RUFY3: variants seen among roughly 807,000 people sequenced by gnomAD.
RUFY3 encodes protein RUFY3.
A neutral mutation model predicts 84.0 loss-of-function variants in RUFY3; 34 were observed. The ratio of observed to expected loss-of-function variants is 0.40; its 90% CI spans 0.31 to 0.54. RUFY3 has a LOEUF of 0.54. Among genes scored for constraint, RUFY3 ranks in the 20% least tolerant of loss-of-function variants. RUFY3 has a pLI of 0.39. For missense variants in RUFY3, 507 were observed against 736.8 expected, an observed-to-expected ratio of 0.69 and a Z score of 3.61; for synonymous variants, 242 against 252.9, an observed-to-expected ratio of 0.96 and a Z score of 0.41.
intron 1 of RUFY3, among the ~76,000 whole-genome samples, chr4:70,761,699 T>A (rs1306145597): frequency 6.6e-6 from 1 of 152,206 alleles, no homozygotes; most frequent in African/African-American, 2.4e-5. Flanking sequence ...CCAAATAGTT[T>A]ATCCATCTGG....
intron 9 of RUFY3, among the ~76,000 whole-genome samples, 188 bp downstream of exon 9, chr4:70,783,371 G>T (rs534602266): frequency 2.0e-5 from 3 of 152,198 alleles, no homozygotes; most frequent in African/African-American, 7.2e-5. Context: ...AAGATGCTTC[G>T]TGGCTTCACA....
rs79101000 is a variant in RUFY3 at position 70,793,118 on chromosome 4, G to A, written c.1338-667G>A. 4.9e-4 allele frequency: 478 copies of A among 985,376 alleles called. 5 individuals are homozygous for A. The East Asian group carries it at 0.016, about 33-fold the overall frequency. 61.0% of individuals were successfully genotyped at this position (985,376 alleles called of 1,614,324 possible). On this transcript the variant is annotated intron_variant, in intron 12 of 17. Transcript: ENST00000381006. ...AAAACATCCATCAGAATCTTCTGGA[G>A]AATATGGTCAGAGTCTTAAACAGGC...
At chr4:70,703,948 TA>T (rs1384393234), upstream of RUFY3, 1 of 152,206 alleles carries the variant, frequency 6.6e-6, no homozygotes, top group African/African-American at 2.4e-5. Context: ...GAATCCAGGA[TA>T]AAGAACCATG....
chr4:70,754,528 ATT>A (rs371643194), intron 1 of RUFY3, among the ~76,000 whole-genome samples: 138 of 144,254 alleles, frequency 9.6e-4, no homozygotes, highest in African/African-American at 3.2e-3. Context: ...CTCTATTATA[ATT>A]TTTTTTTTTT....
chr4:70,793,454 C>T (rs1731114636), intron 12 of RUFY3: 1 of 1,129,238 alleles, frequency 8.9e-7, no homozygotes, highest in African/African-American at 1.7e-5. Context: ...TTACTGTGTA[C>T]TTGAGGTTGG....
intron 1 of RUFY3, among the ~76,000 whole-genome samples, chr4:70,750,715 G>A (rs969507294): frequency 2.0e-5 from 3 of 151,762 alleles, no homozygotes; most frequent in Non-Finnish European, 4.4e-5. Context: ...CCTCCCAGCC[G>A]CTGGCAACCA....
chr4:70,745,805 G>A (rs897388005), intron 1 of RUFY3, among the ~76,000 whole-genome samples: 1 of 152,166 alleles, frequency 6.6e-6, no homozygotes, highest in Non-Finnish European at 1.5e-5. Flanking sequence ...TGTTATAATG[G>A]CTTAGAGTGG....
intron 1 of RUFY3, among the ~76,000 whole-genome samples, chr4:70,740,170 A>G (rs917457838): frequency 9.9e-5 from 15 of 152,140 alleles, no homozygotes; most frequent in African/African-American, 3.4e-4. Flanking sequence ...ATGGCATGTT[A>G]CCTATTGTAG....
intron 2 of RUFY3, among the ~76,000 whole-genome samples, chr4:70,763,212 A>G (rs997422236): frequency 2.0e-5 from 3 of 151,820 alleles, no homozygotes; most frequent in Admixed American, 1.3e-4. Flanking sequence ...CAACTTCCCA[A>G]TATTCCATAG....
At chr4:70,749,657 CTTTTT>C (rs537416557) in intron 1 of RUFY3, among the ~76,000 whole-genome samples, 1 of 132,166 alleles carries the variant, frequency 7.6e-6, no homozygotes. Flanking sequence ...CTTGTCTTGT[CTTTTT>C]TTTTTTTTTT....
chr4:70,784,690 T>C, intron 9 of RUFY3, 106 bp from the exon 10 acceptor site: 2 of 609,340 alleles, frequency 3.3e-6, no homozygotes, highest in East Asian at 6.5e-5. Flanking sequence ...TTCATTATTA[T>C]ACCTGCTTCA....
chr4:70,774,584 C>T (rs1229992493), intron 6 of RUFY3, among the ~76,000 whole-genome samples: 2 of 125,582 alleles, frequency 1.6e-5, no homozygotes, highest in Non-Finnish European at 3.2e-5. Context: ...CATTGCACTC[C>T]GGCCTGGGTG....
At chr4:70,796,441 TCAAA>T (rs537554704) in intron 14 of RUFY3, among the ~76,000 whole-genome samples, 13 of 152,238 alleles carry the variant, frequency 8.5e-5, no homozygotes, top group Non-Finnish European at 1.6e-4. Context: ...TTACAATTTC[TCAAA>T]CAAATGCTTC....
chr4:70,733,071 GAA>G (rs1442094040), intron 1 of RUFY3, among the ~76,000 whole-genome samples: 43 of 103,640 alleles, frequency 4.1e-4, no homozygotes, highest in African/African-American at 1.5e-3. Flanking sequence ...CATTTCAAAA[GAA>G]AGAGAGAGAG....
intron 1 of RUFY3, 138 bp downstream of exon 1, chr4:70,722,889 CCA>C: frequency 1.4e-6 from 1 of 708,468 alleles, no homozygotes; most frequent in Non-Finnish European, 2.2e-6. Context: ...TCCTTACTTA[CCA>C]CCCAGCTCCC....
intron 8 of RUFY3, among the ~76,000 whole-genome samples, chr4:70,779,493 T>C (rs537942183): frequency 2.0e-5 from 3 of 152,296 alleles, no homozygotes; most frequent in Admixed American, 6.5e-5. Flanking sequence ...GCTACAGATA[T>C]TTTTTCTTTA....
chr4:70,783,875 C>T (rs1255108346), intron 9 of RUFY3, among the ~76,000 whole-genome samples: 1 of 152,078 alleles, frequency 6.6e-6, no homozygotes, highest in Non-Finnish European at 1.5e-5. Context: ...TCAATAGCAT[C>T]TCTTACTTTT....
intron 14 of RUFY3, among the ~76,000 whole-genome samples, chr4:70,795,215 A>G (rs954883276): frequency 1.3e-5 from 2 of 152,206 alleles, no homozygotes; most frequent in African/African-American, 4.8e-5. Context: ...TTTCTGCTAA[A>G]TAATAATTTT....
At chr4:70,746,393 G>A (rs1201678217) in intron 1 of RUFY3, among the ~76,000 whole-genome samples, 1 of 150,594 alleles carries the variant, frequency 6.6e-6, no homozygotes, top group Admixed American at 6.6e-5. Context: ...TGTAGTCCCA[G>A]CTACTCAGAA....
Sources: gnomAD v4.1 joint callset for allele counts (sites outside exome capture counted in the v4.1 genomes callset) on GRCh38, gnomAD v4.1.1 for gene constraint, MANE v1.5 for transcripts, NCBI Gene and HGNC (gene_info 2026-07-23, HGNC 2026-07-21) for gene names.